XIRP2: variants seen among roughly 807,000 people sequenced by gnomAD.
The protein encoded by XIRP2 is xin actin binding repeat containing 2.
XIRP2 carries 236 observed loss-of-function variants against 277.0 expected under a neutral mutation model. That is an observed-to-expected ratio of 0.85 (90% CI 0.77 to 0.95). The LOEUF is 0.95. Among genes scored for constraint, XIRP2 ranks in the 40% least tolerant of loss-of-function variants. XIRP2 has a pLI of 0.00. For missense variants in XIRP2, 4,640 were observed against 4,157.5 expected (o/e 1.12, Z -3.19); for synonymous variants, 1,490 against 1,416.5 (o/e 1.05, Z -1.17).
At chr2:167,026,458 T>A (rs1688163667) in intron 2 of XIRP2, among the ~76,000 whole-genome samples, 1 of 152,184 alleles carries the variant, frequency 6.6e-6, no homozygotes, top group Non-Finnish European at 1.5e-5. Context: ...CATTGATATT[T>A]AAAGTTAATA....
At chr2:167,154,975 C>G (rs1338956119) in intron 3 of XIRP2, among the ~76,000 whole-genome samples, 2 of 151,750 alleles carry the variant, frequency 1.3e-5, no homozygotes, top group South Asian at 2.1e-4. Flanking sequence ...CACCTCTACG[C>G]AAATAAACTA....
At position 167,153,487 on chromosome 2, in the gene XIRP2, C is replaced by T. The variant is rs974673415; in HGVS notation, c.562+17425C>T. Among the ~76,000 whole-genome samples the T allele has an allele frequency of 9.2e-5, 14 of 151,736 alleles. No homozygotes were observed. The East Asian group carries it at 1.4e-3, about 15-fold the overall frequency. ...GTTAGTTACATATGTATACATGTGC[C>T]GTGCTGCTGTGCTGCATCCATTAAC... On this transcript the variant is annotated intron_variant, in intron 3 of 10. Coordinates refer to ENST00000409195, the MANE Select transcript of XIRP2 (RefSeq NM_152381.6).
At chr2:166,935,437 A>G (rs1156966907) in intron 2 of XIRP2, among the ~76,000 whole-genome samples, 2 of 151,390 alleles carry the variant, frequency 1.3e-5, no homozygotes, top group Non-Finnish European at 1.5e-5. Flanking sequence ...TTTATACTTT[A>G]AGTTCTAGGG....
chr2:167,133,371 T>G (rs1487974107), intron 2 of XIRP2, among the ~76,000 whole-genome samples: 1 of 152,160 alleles, frequency 6.6e-6, no homozygotes, highest in Non-Finnish European at 1.5e-5. Flanking sequence ...CCTGAAGAGC[T>G]TGCCTCAGAA....
intron 2 of XIRP2, among the ~76,000 whole-genome samples, chr2:167,046,393 G>T (rs1486574112): frequency 6.6e-6 from 1 of 151,860 alleles, no homozygotes; most frequent in African/African-American, 2.4e-5. Context: ...TGCCTAAGGT[G>T]TGGAGAATTT....
At chr2:167,134,958 A>G (rs1051710091) in intron 2 of XIRP2, among the ~76,000 whole-genome samples, 1 of 152,086 alleles carries the variant, frequency 6.6e-6, no homozygotes, top group Non-Finnish European at 1.5e-5. Context: ...AAATTTATGA[A>G]TGGTTTATTT....
At chr2:166,927,292 C>T (rs2105364422) in intron 2 of XIRP2, among the ~76,000 whole-genome samples, 1 of 152,224 alleles carries the variant, frequency 6.6e-6, no homozygotes. Context: ...TTTCCTATTG[C>T]TGCTGTAACA....
intron 3 of XIRP2, among the ~76,000 whole-genome samples, chr2:167,157,114 T>A (rs1389092265): frequency 6.6e-6 from 1 of 152,116 alleles, no homozygotes; most frequent in East Asian, 1.9e-4. Context: ...ATGCATTGAG[T>A]GCACTAAAAT....
At chr2:167,082,323 A>G (rs1397288939) in intron 2 of XIRP2, among the ~76,000 whole-genome samples, 6 of 152,036 alleles carry the variant, frequency 3.9e-5, no homozygotes, top group Non-Finnish European at 4.4e-5. Flanking sequence ...TATGTGCCAC[A>G]TTTTCTTAAT....
In XIRP2 at chr2:167,245,225, T is replaced by C; in HGVS notation, c.3833T>C (p.Ile1278Thr). 6.2e-7 allele frequency: 1 copy of C among 1,613,730 alleles called. No homozygotes were observed. The highest frequency in any genetic ancestry group is 1.1e-5 in the South Asian group (1 of 91,068). ...QGGDVRKGCFIFETFSLDEIK... is the reference protein window; with the variant it reads ...QGGDVRKGCFTFETFSLDEIK... Reference sequence around the variant, plus strand: ...GGGGATGTAAGAAAGGGGTGCTTTATTTTTGAGACTTTTTCTTTAGATGAG... The same window carrying C: ...GGGGATGTAAGAAAGGGGTGCTTTACTTTTGAGACTTTTTCTTTAGATGAG... Residue 1278 changes from isoleucine to threonine, a missense_variant, in exon 9 of 11, where the codon ATT (isoleucine) becomes ACT (threonine). Ile to Thr is a moderately conservative substitution (Grantham distance 89, BLOSUM62 -1). Coordinates refer to ENST00000409195, the MANE Select transcript of XIRP2 (RefSeq NM_152381.6).
rs181872529 is a variant in XIRP2, at chr2:167,005,585, G to A, written c.408+101695G>A. Among the ~76,000 whole-genome samples the A allele has an allele frequency of 3.1e-3, 477 of 151,916 alleles. 4 individuals are homozygous for A. Among genetic ancestry groups the A allele is most frequent in the African/African-American group, 0.011 (452 of 41,486 alleles). On this transcript the variant is annotated intron_variant, in intron 2 of 10. Coordinates refer to ENST00000409195, the MANE Select transcript of XIRP2 (RefSeq NM_152381.6). ...TGGAGATTATTCAACGTAAAATAGA[G>A]AAGGCTTTAGAATGAATTACCTCAT...
At chr2:166,934,722 G>A (rs1422316065) in intron 2 of XIRP2, among the ~76,000 whole-genome samples, 2 of 152,038 alleles carry the variant, frequency 1.3e-5, no homozygotes, top group Non-Finnish European at 2.9e-5. Flanking sequence ...TCTCAAAAAT[G>A]TACAATCAGG....
At chr2:167,087,811 G>T (rs1681283943) in intron 2 of XIRP2, among the ~76,000 whole-genome samples, 1 of 151,842 alleles carries the variant, frequency 6.6e-6, no homozygotes, top group Non-Finnish European at 1.5e-5. Context: ...CGCGCACGGT[G>T]CGTGCACCCA....
At chr2:166,967,727 GT>G (rs1228116922) in intron 2 of XIRP2, among the ~76,000 whole-genome samples, 1 of 151,956 alleles carries the variant, frequency 6.6e-6, no homozygotes, top group African/African-American at 2.4e-5. Flanking sequence ...AATGTCAGTA[GT>G]TTTACTATTT....
At chr2:167,195,163 T>A (rs1476852347) in intron 3 of XIRP2, among the ~76,000 whole-genome samples, 1 of 152,136 alleles carries the variant, frequency 6.6e-6, no homozygotes, top group Non-Finnish European at 1.5e-5. Context: ...TCTCCTGGAG[T>A]TGTAGAAAGC....
chr2:167,114,712 TG>T, intron 2 of XIRP2, among the ~76,000 whole-genome samples: 1 of 152,186 alleles, frequency 6.6e-6, no homozygotes, highest in Admixed American at 6.5e-5. Context: ...TTTTTGTCCT[TG>T]CGATAGTTTA....
chr2:167,136,577 A>T (rs748536601), intron 3 of XIRP2, among the ~76,000 whole-genome samples: 4 of 152,210 alleles, frequency 2.6e-5, no homozygotes, highest in Non-Finnish European at 5.9e-5. Context: ...AAATTTGATT[A>T]ATGCTTCACA....
chr2:166,917,886 CGTAA>C (rs1684932318), intron 2 of XIRP2, among the ~76,000 whole-genome samples: 1 of 152,226 alleles, frequency 6.6e-6, no homozygotes, highest in East Asian at 1.9e-4. Flanking sequence ...TAACAAATAC[CGTAA>C]GTGACTATTT....
intron 2 of XIRP2, among the ~76,000 whole-genome samples, chr2:167,093,963 T>A (rs953320299): frequency 3.9e-5 from 6 of 152,002 alleles, no homozygotes; most frequent in African/African-American, 1.5e-4. Flanking sequence ...TTTCTCCACA[T>A]CCTCTCCAGC....
Sources: allele counts gnomAD v4.1 joint callset (sites outside exome capture counted in the v4.1 genomes callset), GRCh38; gene constraint gnomAD v4.1.1; transcripts MANE v1.5; gene names NCBI Gene and HGNC (gene_info 2026-07-23, HGNC 2026-07-21).